Variants in PCDH15 observed in about 807,000 individuals in gnomAD.
The protein encoded by PCDH15 is protocadherin-15.
Under a neutral mutation model 178.5 loss-of-function variants are expected in PCDH15, and 129 were observed. The ratio of observed to expected loss-of-function variants is 0.72; its 90% confidence interval spans 0.63 to 0.84. The LOEUF (loss-of-function observed/expected upper bound fraction) is 0.84, where lower values mean the gene tolerates loss of function less well. Ranked by LOEUF, PCDH15 falls within the 40% of genes least tolerant of loss-of-function variation. PCDH15 has a pLI of 0.00. For missense variants in PCDH15, 2,230 were observed against 2,099.9 expected, an observed-to-expected ratio of 1.06 and a Z score of -1.21; for synonymous variants, 800 against 732.0, an observed-to-expected ratio of 1.09 and a Z score of -1.50.
intron 2 of PCDH15, among the ~76,000 whole-genome samples, chr10:55,465,787 T>A (rs927209438): frequency 3.9e-5 from 6 of 152,158 alleles, no homozygotes; most frequent in African/African-American, 1.4e-4. Flanking sequence ...TTTTACCTAA[T>A]ATAGAGAACA....
At chr10:54,438,025 T>C (rs2075539123) in intron 3 of PCDH15, among the ~76,000 whole-genome samples, 1 of 152,132 alleles carries the variant, frequency 6.6e-6, no homozygotes, top group African/African-American at 2.4e-5. Context: ...TAAATCTATT[T>C]TTGGTAAATT....
chr10:54,358,146 A>G (rs1472939813), intron 5 of PCDH15, among the ~76,000 whole-genome samples: 1 of 146,876 alleles, frequency 6.8e-6, no homozygotes, highest in East Asian at 1.9e-4. Context: ...AATGGCAACA[A>G]AAGCTAAAAT....
chr10:54,028,177 A>T (rs1222988441), intron 18 of PCDH15, among the ~76,000 whole-genome samples: 1 of 149,402 alleles, frequency 6.7e-6, no homozygotes, highest in Admixed American at 6.7e-5. Context: ...GCCAAAAAAC[A>T]CATGAAAAAA....
intron 2 of PCDH15, among the ~76,000 whole-genome samples, chr10:55,126,774 G>A (rs1370857765): frequency 6.6e-6 from 1 of 151,990 alleles, no homozygotes; most frequent in East Asian, 1.9e-4. Flanking sequence ...AAATTATCCT[G>A]TCTCAGAAAG....
chr10:53,974,659 A>T lies in PCDH15; in HGVS notation c.2869-12767T>A, dbSNP rs989720984. On this transcript the variant is annotated intron_variant, in intron 21 of 37. Coordinates refer to ENST00000644397, the MANE Select transcript of PCDH15 (RefSeq NM_001384140.1). ...TATGGGTTATAGAATATCATATTCCACACTACTGGCTGCCTTAGTGATCAC... is the reference window on the plus strand; with the variant it reads ...TATGGGTTATAGAATATCATATTCCTCACTACTGGCTGCCTTAGTGATCAC... Among the ~76,000 whole-genome samples, 5 of 152,146 alleles carry T rather than the reference A, an allele frequency of 3.3e-5. 1 individual carries two copies. Among genetic ancestry groups the T allele is most frequent in the African/African-American group, 4.8e-5 (2 of 41,440 alleles).
chr10:54,229,869 A>G (rs966898150), intron 9 of PCDH15, among the ~76,000 whole-genome samples: 7 of 152,242 alleles, frequency 4.6e-5, no homozygotes, highest in Non-Finnish European at 1.0e-4. Context: ...CTTAAAGTTC[A>G]GAGCTCCACT....
intron 2 of PCDH15, among the ~76,000 whole-genome samples, chr10:55,401,333 C>A (rs1458763756): frequency 7.0e-6 from 1 of 142,514 alleles, no homozygotes; most frequent in Non-Finnish European, 1.6e-5. Flanking sequence ...ATTTACTCAG[C>A]ACTTACTTAT....
At chr10:54,373,758 G>A (rs1056591634) in intron 4 of PCDH15, among the ~76,000 whole-genome samples, 1 of 152,044 alleles carries the variant, frequency 6.6e-6, no homozygotes, top group South Asian at 2.1e-4. Context: ...AAATAATATG[G>A]ATTTTAGAAC....
intron 1 of PCDH15, among the ~76,000 whole-genome samples, chr10:54,718,466 A>G (rs1175046640): frequency 6.6e-6 from 1 of 152,048 alleles, no homozygotes; most frequent in East Asian, 1.9e-4. Flanking sequence ...AAGAACTTAT[A>G]CAGACTCTTT....
At chr10:55,591,667 G>A (rs1842845022) in intron 2 of PCDH15, among the ~76,000 whole-genome samples, 1 of 152,090 alleles carries the variant, frequency 6.6e-6, no homozygotes, top group African/African-American at 2.4e-5. Flanking sequence ...TATCAGGGGA[G>A]GAGTAAGGAG....
At chr10:55,156,461 C>A (rs1423498820) in intron 2 of PCDH15, among the ~76,000 whole-genome samples, 2 of 152,024 alleles carry the variant, frequency 1.3e-5, no homozygotes, top group African/African-American at 4.8e-5. Flanking sequence ...CAATTGGCAC[C>A]TCCATGTGGC....
At chr10:53,828,491 C>CTTGA (rs1005506015) in intron 31 of PCDH15, 74 bp downstream of exon 31, 154 of 1,282,978 alleles carry the variant, frequency 1.2e-4, no homozygotes, top group East Asian at 4.6e-5. Flanking sequence ...AGCAGGCTGA[C>CTTGA]TTGATTGATA....
intron 10 of PCDH15, among the ~76,000 whole-genome samples, chr10:54,202,117 C>T (rs904273690): frequency 6.6e-6 from 1 of 152,162 alleles, no homozygotes; most frequent in Non-Finnish European, 1.5e-5. Flanking sequence ...GCTCTTAACA[C>T]ATGGCTTAGA....
At chr10:54,287,939 G>A (rs2059137498) in intron 8 of PCDH15, among the ~76,000 whole-genome samples, 1 of 152,042 alleles carries the variant, frequency 6.6e-6, no homozygotes, top group African/African-American at 2.4e-5. Context: ...ACTTATCCTA[G>A]AACTTATCAT....
At chr10:54,979,254 G>A (rs963981807) in intron 2 of PCDH15, among the ~76,000 whole-genome samples, 1 of 152,128 alleles carries the variant, frequency 6.6e-6, no homozygotes, top group East Asian at 1.9e-4. Context: ...AGAAATAAAA[G>A]TTTATAGAAG....
chr10:54,345,689 G>A (rs1943122096), intron 6 of PCDH15, among the ~76,000 whole-genome samples: 1 of 150,844 alleles, frequency 6.6e-6, no homozygotes. Flanking sequence ...AGACCATCCT[G>A]GCTAACACAG....
chr10:55,278,519 C>A (rs1164561654), intron 1 of PCDH15, among the ~76,000 whole-genome samples: 1 of 152,106 alleles, frequency 6.6e-6, no homozygotes, highest in Non-Finnish European at 1.5e-5. Flanking sequence ...GCCACCACAT[C>A]TGGCCATATC....
intron 2 of PCDH15, among the ~76,000 whole-genome samples, chr10:55,164,406 A>G (rs937471139): frequency 6.6e-6 from 1 of 151,054 alleles, no homozygotes; most frequent in African/African-American, 2.4e-5. Context: ...TGTTGTTTTG[A>G]ATAATTTATC....
chr10:55,196,574 G>A (rs1027502805), intron 1 of PCDH15, among the ~76,000 whole-genome samples: 1 of 151,940 alleles, frequency 6.6e-6, no homozygotes, highest in South Asian at 2.1e-4. Context: ...ACAAACATAA[G>A]GACATAAAGC....
Sources: allele counts gnomAD v4.1 joint callset (sites outside exome capture counted in the v4.1 genomes callset), GRCh38; gene constraint gnomAD v4.1.1; transcripts MANE v1.5; gene names NCBI Gene and HGNC (gene_info 2026-07-23, HGNC 2026-07-21).